Variants in TNRC18 observed in about 807,000 individuals in gnomAD.
TNRC18 encodes the protein trinucleotide repeat containing 18.
A neutral mutation model predicts 226.7 loss-of-function variants in TNRC18; 69 were observed. The ratio of observed to expected loss-of-function variants is 0.30; its 90% CI spans 0.25 to 0.37. The LOEUF is 0.37. TNRC18 is among the 10% of genes least tolerant of loss of function. The pLI is 1.00. For missense variants in TNRC18, 4,754 were observed against 4,256.6 expected (o/e 1.12, Z -3.25); for synonymous variants, 2,449 against 1,927.6 (o/e 1.27, Z -7.09).
At position 5,377,999 on chromosome 7, in the gene TNRC18, A is replaced by G; in HGVS notation, c.2178T>C (p.Cys726=). ...VKGHGRADED[C]VDDRARHREE... The stretch of plus-strand genomic sequence containing the variant: ...CCCGGTGTCTGGCCCGGTCGTCCAC[A>G]CAGTCCTCATCTGCTCGGCCGTGCC... The change falls in exon 6 of 30, where the codon TGT becomes TGC. Residue 726 remains cysteine, a synonymous_variant. Coordinates refer to ENST00000430969, the MANE Select transcript of TNRC18 (RefSeq NM_001080495.3). This position sits in a 1 kb window ranked among gnomAD's most constrained non-coding sequence, Gnocchi z 5.8. 1 of 1,612,148 alleles carries G rather than the reference A, an allele frequency of 6.2e-7. No homozygotes were observed. The highest frequency in any genetic ancestry group is 8.5e-7 in the Non-Finnish European group (1 of 1,179,634).
At position 5,307,144 on chromosome 7, in the gene TNRC18, G is replaced by C. The variant is rs1403973287; in HGVS notation, c.*962C>G. 6.6e-6 allele frequency: 1 copy of C among 151,558 alleles called. No homozygotes were observed. The highest frequency in any genetic ancestry group is 2.4e-5 in the African/African-American group (1 of 41,268). 9.4% of individuals were successfully genotyped at this position (151,558 alleles called of 1,614,324 possible). A position where few individuals can be genotyped will look rare whatever the true frequency, so the allele number is the denominator to read the frequency against. ...GTGTGCTGGGGACTGGGAGGCCGGT[G>C]AAGCCGGTGCTAGACACTATAATCT... On this transcript the variant is annotated 3_prime_UTR_variant, in exon 30 of 30. Transcript: ENST00000430969.
Position 5,374,187 on chromosome 7 carries a change from TG to T in TNRC18, c.3096del (p.Ser1033AlafsTer126). 5.9e-6 allele frequency: 1 copy of T among 169,348 alleles called. No homozygotes were observed. 10.5% of individuals were successfully genotyped at this position (169,348 alleles called of 1,614,324 possible). On this transcript the variant is annotated frameshift_variant, in exon 10 of 30. Coordinates refer to ENST00000430969, the MANE Select transcript of TNRC18 (RefSeq NM_001080495.3). LOFTEE classifies it high-confidence loss of function. ...AYPATPSSHP[T>X]SPPPASPPPT... Reference sequence around the variant, plus strand: ...GGCGGTGGGGAGGCGGGCGGCGGGCTGGTGGGGTGGGAGCTGGGGGTGGCGG... The same window carrying T: ...GGCGGTGGGGAGGCGGGCGGCGGGCTGTGGGGTGGGAGCTGGGGGTGGCGG...
chr7:5,419,110 T>A (rs527623888), intron 2 of TNRC18, among the ~76,000 whole-genome samples: 1 of 152,248 alleles, frequency 6.6e-6, no homozygotes, highest in Non-Finnish European at 1.5e-5. Flanking sequence ...GCTCCGAGGC[T>A]ACCTCCCGCT....
At position 5,377,620 on chromosome 7, in the gene TNRC18, AG is replaced by A; in HGVS notation, c.2256-45del. 2 of 1,523,286 alleles carry A rather than the reference AG, an allele frequency of 1.3e-6. No individual in the cohort carries two copies. Among genetic ancestry groups the A allele is most frequent in the Non-Finnish European group, 1.8e-6 (2 of 1,125,520 alleles). 94.4% of individuals were successfully genotyped at this position (1,523,286 alleles called of 1,614,324 possible). A position where few individuals can be genotyped will look rare whatever the true frequency, so the allele number is the denominator to read the frequency against. On this transcript the variant is annotated intron_variant, in intron 6 of 29. Transcript: ENST00000430969. The surrounding 1 kb of genome is among the most constrained non-coding windows in gnomAD (Gnocchi z 5.8). ...GTGTCAGCGACAGCTCGGACAGCCC[AG>A]GGGACGAGAGGGAGAAGCGGGGTTG...
intron 2 of TNRC18, 173 bp downstream of exon 2, chr7:5,420,887 C>CGCCGGGGTCGCCGGACTG (rs139552678): frequency 2.4e-6 from 2 of 838,968 alleles, no homozygotes; most frequent in African/African-American, 3.4e-5. Flanking sequence ...CACTCTCCAC[C>CGCCGGGGTCGCCGGACTG]GCCTTGGCTC....
At chr7:5,385,513 A>AAAAAG in intron 5 of TNRC18, among the ~76,000 whole-genome samples, 1 of 147,622 alleles carries the variant, frequency 6.8e-6, no homozygotes, top group Non-Finnish European at 1.5e-5. Flanking sequence ...AAAAAAAAAA[A>AAAAAG]AAAAGAAAAA....
At chr7:5,415,952 CAA>C (rs112566834) in intron 2 of TNRC18, among the ~76,000 whole-genome samples, 10 of 141,152 alleles carry the variant, frequency 7.1e-5, no homozygotes, top group African/African-American at 7.7e-5. Flanking sequence ...ATTAAAAATA[CAA>C]AAAAAAAAAA....
Position 5,362,733 on chromosome 7 carries a change from C to A in TNRC18, c.4312G>T (p.Val1438Leu), listed in dbSNP as rs1392112478. 1 of 1,573,910 alleles carries A rather than the reference C, an allele frequency of 6.4e-7. No homozygotes were observed. The highest frequency in any genetic ancestry group is 8.6e-7 in the Non-Finnish European group (1 of 1,160,334). ...MLREVLDGPVVDPLKNLRLPR... is the reference protein window; with the variant it reads ...MLREVLDGPVLDPLKNLRLPR... ...AGCCGCAGGTTCTTGAGTGGGTCCA[C>A]CACGGGCCCATCCAGCACCTCCCTC... The change falls in exon 12 of 30, where the codon GTG (valine) becomes TTG (leucine). Residue 1438 changes from valine to leucine, a missense_variant. Physicochemically the swap from Val to Leu is conservative, Grantham distance 32. Transcript: ENST00000430969.
chr7:5,388,222 G>A lies in TNRC18; in HGVS notation c.1602C>T (p.Arg534=), dbSNP rs1426707071. 2 of 1,602,134 alleles carry A rather than the reference G, an allele frequency of 1.2e-6. No homozygotes were observed. Among genetic ancestry groups the A allele is most frequent in the South Asian group, 1.1e-5 (1 of 89,438 alleles). Residue 534 remains arginine (R), a synonymous_variant, in exon 5 of 30, where the codon CGC becomes CGT. Coordinates refer to ENST00000430969, the MANE Select transcript of TNRC18 (RefSeq NM_001080495.3). ...CGACCACGGCGGCCTCCTCTTCGGCGCGGCTGTGGTGGTGCTGCGCGGCCA... is the reference window on the plus strand; with the variant it reads ...CGACCACGGCGGCCTCCTCTTCGGCACGGCTGTGGTGGTGCTGCGCGGCCA... ...AVLAAQHHHS[R]AEEEAAVVAA...
intron 17 of TNRC18, among the ~76,000 whole-genome samples, chr7:5,350,367 TGGAGGGGAGGTCTG>T (rs1466359097): frequency 1.7e-5 from 2 of 120,112 alleles, no homozygotes; most frequent in Non-Finnish European, 3.3e-5. Flanking sequence ...TCTGCCAATT[TGGAGGGGAGGTCTG>T]GGAGGGGAGG....
At chr7:5,361,431 C>T (rs750262267) in intron 14 of TNRC18, among the ~76,000 whole-genome samples, 163 bp downstream of exon 14, 6 of 152,208 alleles carry the variant, frequency 3.9e-5, no homozygotes, top group Non-Finnish European at 8.8e-5. Flanking sequence ...CCCTCCTGGC[C>T]CGGGCAGCAC....
intron 2 of TNRC18, among the ~76,000 whole-genome samples, chr7:5,402,726 C>A (rs933436807): frequency 6.6e-6 from 1 of 151,086 alleles, no homozygotes; most frequent in Admixed American, 6.6e-5. Context: ...TGGTGGTGGA[C>A]GCCTATAATC....
chr7:5,382,914 T>A (rs10281189), intron 5 of TNRC18, among the ~76,000 whole-genome samples: 2 of 151,756 alleles, frequency 1.3e-5, no homozygotes, highest in African/African-American at 4.9e-5. Flanking sequence ...ATTTTTGGGG[T>A]GGGGGCAGGA....
intron 2 of TNRC18, among the ~76,000 whole-genome samples, chr7:5,400,286 C>T (rs1298256242): frequency 6.6e-6 from 1 of 152,112 alleles, no homozygotes; most frequent in Non-Finnish European, 1.5e-5. Context: ...GTGTCTGCTT[C>T]TAGCCAAATG....
chr7:5,371,043 G>A lies in TNRC18; in HGVS notation c.3551C>T (p.Ala1184Val), dbSNP rs563803195. 8.5e-5 allele frequency: 137 copies of A among 1,610,286 alleles called. 1 individual carries two copies. In the South Asian group the frequency reaches 1.2e-3, roughly 14 times the overall value. ...AGGGCTGGGGGTAGCCATGGCTTCC[G>A]CGGCGGGCAGTGGCAGCGGCGACTC... Reference protein sequence around the residue: ...PLESPLPLPAAEAMATPSPAG... With the variant: ...PLESPLPLPAVEAMATPSPAG... The change falls in exon 11 of 30, where the codon GCG (alanine) becomes GTG (valine). Residue 1184 changes from alanine to valine, a missense_variant. By Grantham distance (64) the Ala-to-Val change is moderately conservative. Transcript: ENST00000430969.
chr7:5,389,324 A>G lies in TNRC18; in HGVS notation c.500T>C (p.Leu167Pro), dbSNP rs1780097868. The G allele has an allele frequency of 7.8e-7, 1 of 1,279,520 alleles. No homozygotes were observed. Among genetic ancestry groups the G allele is most frequent in the Non-Finnish European group, 9.9e-7 (1 of 1,013,270 alleles). The allele number at this position is 1,279,520 out of a possible 1,614,324, so 79.3% of individuals were successfully genotyped here. The change falls in exon 5 of 30, where the codon CTG (leucine) becomes CCG (proline). Residue 167 changes from leucine (L) to proline (P), a missense_variant. Coordinates refer to ENST00000430969, the MANE Select transcript of TNRC18 (RefSeq NM_001080495.3). ...GQGPGGDGFY[L>P]PTAGAPGSLH... The stretch of plus-strand genomic sequence containing the variant: ...GGAGCCCGGAGCCCCCGCGGTGGGC[A>G]GGTAGAAACCGTCTGCGGAGAAGGG...
chr7:5,354,524 G>C (rs1379602337), intron 16 of TNRC18, among the ~76,000 whole-genome samples: 1 of 151,886 alleles, frequency 6.6e-6, no homozygotes, highest in Non-Finnish European at 1.5e-5. Flanking sequence ...TTCCCCCTCA[G>C]AGTGATGAGT....
Position 5,362,764 on chromosome 7 carries a change from G to C in TNRC18, c.4281C>G (p.His1427Gln). The change falls in exon 12 of 30, where the codon CAC becomes CAG. Residue 1427 changes from histidine to glutamine, a missense_variant. Transcript: ENST00000430969. ...SLESLLAAGS[H>Q]MLREVLDGPV... Reference sequence around the variant, plus strand: ...GCCCATCCAGCACCTCCCTCAGCATGTGGCTGCCAGCTGCCAGCAGACTCT... The same window carrying C: ...GCCCATCCAGCACCTCCCTCAGCATCTGGCTGCCAGCTGCCAGCAGACTCT... 6.4e-7 allele frequency: 1 copy of C among 1,572,092 alleles called. No individual in the cohort carries two copies. Among genetic ancestry groups the C allele is most frequent in the Middle Eastern group, 1.7e-4 (1 of 5,882 alleles).
chr7:5,355,196 G>A (rs1328524713), intron 16 of TNRC18, among the ~76,000 whole-genome samples: 3 of 152,242 alleles, frequency 2.0e-5, no homozygotes, highest in African/African-American at 7.2e-5. Context: ...CAGATACTGA[G>A]CAAGCACCCA....
Sources: allele counts gnomAD v4.1 joint callset (sites outside exome capture counted in the v4.1 genomes callset), GRCh38; gene constraint gnomAD v4.1.1; non-coding constraint Gnocchi (gnomAD v3.1); transcripts MANE v1.5; gene names NCBI Gene and HGNC (gene_info 2026-07-23, HGNC 2026-07-21).